The following WWOX variants were observed in gnomAD, a reference collection of about 807,000 sequenced individuals.
WWOX encodes WW domain containing oxidoreductase.
Under a neutral mutation model 46.2 loss-of-function variants are expected in WWOX, and 69 were observed. The ratio of observed to expected loss-of-function variants is 1.49; its 90% confidence interval spans 1.23 to 1.82. The LOEUF (loss-of-function observed/expected upper bound fraction) is 1.82, where lower values mean the gene tolerates loss of function less well. WWOX is among the 40% of genes most tolerant of loss of function. WWOX has a pLI of 0.00. For synonymous variants in WWOX, 359 were observed against 202.6 expected, an observed-to-expected ratio of 1.77 and a Z score of -6.56; for missense variants, 919 against 542.6, an observed-to-expected ratio of 1.69 and a Z score of -6.89.
chr16:78,113,205 A>C (rs1024234413), intron 3 of WWOX, among the ~76,000 whole-genome samples: 1 of 152,184 alleles, frequency 6.6e-6, no homozygotes, highest in East Asian at 1.9e-4. Flanking sequence ...CCCCCACCCC[A>C]GACCTACTGA....
chr16:78,647,685 C>T (rs143629919), intron 8 of WWOX, among the ~76,000 whole-genome samples: 92 of 152,266 alleles, frequency 6.0e-4, no homozygotes, highest in African/African-American at 2.1e-3. Flanking sequence ...CTTCTTATAC[C>T]TCAAAATAGT....
At chr16:78,654,726 C>A (rs913407249) in intron 8 of WWOX, among the ~76,000 whole-genome samples, 1 of 151,162 alleles carries the variant, frequency 6.6e-6, no homozygotes, top group East Asian at 1.9e-4. Flanking sequence ...ATTTTGGGGC[C>A]TGTGAATTTT....
chr16:78,507,502 G>A (rs911901717), intron 8 of WWOX, among the ~76,000 whole-genome samples: 4 of 152,148 alleles, frequency 2.6e-5, no homozygotes, highest in African/African-American at 7.2e-5. Context: ...ATAAAAAGCT[G>A]CCTGTGTTTT....
In WWOX at chr16:78,438,265, C is replaced by A. The variant is rs149924185; in HGVS notation, c.1056+5513C>A. Reference sequence around the variant, plus strand: ...ATTTTGTAATTGAAAAGCACAGAAACCTCATGCAGCGTGTTCAAGAAAATG... The same window carrying A: ...ATTTTGTAATTGAAAAGCACAGAAAACTCATGCAGCGTGTTCAAGAAAATG... On this transcript the variant is annotated intron_variant, in intron 8 of 8. Coordinates refer to ENST00000566780, the MANE Select transcript of WWOX (RefSeq NM_016373.4). Among the ~76,000 whole-genome samples the A allele has an allele frequency of 2.6e-3, 389 of 152,220 alleles. 2 individuals are homozygous for A. The highest frequency in any genetic ancestry group is 8.8e-3 in the African/African-American group (365 of 41,526).
At chr16:78,968,320 C>T (rs773487130) in intron 8 of WWOX, among the ~76,000 whole-genome samples, 5 of 152,218 alleles carry the variant, frequency 3.3e-5, no homozygotes, top group Non-Finnish European at 7.3e-5. Flanking sequence ...GGAACTGTCA[C>T]CACCGACCCG....
intron 8 of WWOX, chr16:78,780,353 G>A (rs117152206): frequency 2.0e-5 from 3 of 151,970 alleles, no homozygotes; most frequent in South Asian, 2.1e-4. Context: ...TTCACTGGTT[G>A]ATTAATTCAT....
At chr16:78,281,170 C>A (rs1037614780) in intron 5 of WWOX, 1 of 152,196 alleles carries the variant, frequency 6.6e-6, no homozygotes, top group Admixed American at 6.5e-5. Flanking sequence ...AGTAAGTATT[C>A]TTGGGGCAAA....
rs151246895 is a variant in WWOX at position 78,255,085 on chromosome 16, A to T, written c.516+90796A>T. 1.9e-4 allele frequency among the ~76,000 whole-genome samples: 29 copies of T among 152,250 alleles called. 1 individual carries two copies. In the East Asian group the frequency reaches 4.8e-3, roughly 25 times the overall value. On this transcript the variant is annotated intron_variant, in intron 5 of 8. Transcript: ENST00000566780. ...TTCCCCTTTCATGTTCCTGGCCTTT[A>T]TGCTAAGTTCTCACATTGTTATTTT...
intron 8 of WWOX, among the ~76,000 whole-genome samples, chr16:78,505,457 C>A (rs1368188468): frequency 2.0e-5 from 3 of 152,128 alleles, no homozygotes; most frequent in Non-Finnish European, 4.4e-5. Context: ...CCCTGAAAAT[C>A]ATCTTACTTT....
At chr16:78,831,621 C>T (rs2051828455) in intron 8 of WWOX, among the ~76,000 whole-genome samples, 1 of 152,162 alleles carries the variant, frequency 6.6e-6, no homozygotes, top group Non-Finnish European at 1.5e-5. Flanking sequence ...GTCACTCAGT[C>T]TTTCTTTTCT....
chr16:79,114,590 G>A (rs2049477374), intron 8 of WWOX, among the ~76,000 whole-genome samples: 1 of 151,988 alleles, frequency 6.6e-6, no homozygotes, highest in African/African-American at 2.4e-5. Flanking sequence ...AGCCTTCGGA[G>A]GGAGCGCAGC....
At chr16:78,789,283 C>G (rs2050534673) in intron 8 of WWOX, among the ~76,000 whole-genome samples, 1 of 152,132 alleles carries the variant, frequency 6.6e-6, no homozygotes, top group Non-Finnish European at 1.5e-5. Context: ...AGTTTTAGCA[C>G]TTATGTTAAG....
intron 5 of WWOX, among the ~76,000 whole-genome samples, chr16:78,244,105 C>G (rs2037743756): frequency 2.0e-5 from 3 of 152,168 alleles, no homozygotes; most frequent in Non-Finnish European, 2.9e-5. Flanking sequence ...AGTCTTGGCT[C>G]TCCTGTTTTC....
chr16:78,923,452 C>G (rs939966980), intron 8 of WWOX, among the ~76,000 whole-genome samples: 1 of 152,226 alleles, frequency 6.6e-6, no homozygotes, highest in East Asian at 1.9e-4. Flanking sequence ...CCTACCTTTC[C>G]TAATATCTAG....
At chr16:78,512,407 G>C (rs2085383261) in intron 8 of WWOX, among the ~76,000 whole-genome samples, 1 of 152,106 alleles carries the variant, frequency 6.6e-6, no homozygotes, top group East Asian at 1.9e-4. Context: ...AAATAATACT[G>C]AGTTTTGAGT....
chr16:78,380,856 T>A (rs929656819), intron 5 of WWOX, among the ~76,000 whole-genome samples: 1 of 152,184 alleles, frequency 6.6e-6, no homozygotes, highest in African/African-American at 2.4e-5. Context: ...TGCATTATTA[T>A]TGGAAAACAA....
At chr16:78,556,142 G>C (rs139750121) in intron 8 of WWOX, among the ~76,000 whole-genome samples, 1 of 151,814 alleles carries the variant, frequency 6.6e-6, no homozygotes, top group African/African-American at 2.4e-5. Flanking sequence ...CTTTTTCAAA[G>C]ACGCAAGAGG....
intron 8 of WWOX, among the ~76,000 whole-genome samples, chr16:78,976,367 A>T (rs2046572633): frequency 6.6e-6 from 1 of 152,140 alleles, no homozygotes; most frequent in East Asian, 1.9e-4. Flanking sequence ...GTCCTCGCTC[A>T]CTCCCAGCAC....
At chr16:78,932,948 C>G (rs1053237295) in intron 8 of WWOX, among the ~76,000 whole-genome samples, 3 of 152,212 alleles carry the variant, frequency 2.0e-5, no homozygotes, top group African/African-American at 7.2e-5. Flanking sequence ...TGCCTGCCCT[C>G]TGGTTGAAAC....
Sources: allele counts gnomAD v4.1 joint callset (sites outside exome capture counted in the v4.1 genomes callset), GRCh38; gene constraint gnomAD v4.1.1; transcripts MANE v1.5; gene names NCBI Gene and HGNC (gene_info 2026-07-23, HGNC 2026-07-21).